Variants in RASAL2 observed in about 807,000 individuals in gnomAD.
The protein encoded by RASAL2 is RAS protein activator like 2.
RASAL2 carries 58 observed loss-of-function variants against 128.9 expected under a neutral mutation model. The observed-to-expected ratio is 0.45, with a 90% CI of 0.36 to 0.56. The LOEUF (loss-of-function observed/expected upper bound fraction) is 0.56, where lower values mean the gene tolerates loss of function less well. Among genes scored for constraint, RASAL2 ranks in the 20% least tolerant of loss-of-function variants. The probability of loss-of-function intolerance (pLI) is 0.00; values close to 1 mark genes in which losing one functional copy is unlikely to be tolerated. For synonymous variants in RASAL2, 561 were observed against 580.8 expected, an observed-to-expected ratio of 0.97 and a Z score of 0.49; for missense variants, 1,360 against 1,601.6, an observed-to-expected ratio of 0.85 and a Z score of 2.57.
At chr1:178,227,097 C>T (rs1019918617) in intron 1 of RASAL2, among the ~76,000 whole-genome samples, 3 of 152,136 alleles carry the variant, frequency 2.0e-5, no homozygotes, top group Admixed American at 6.5e-5. Flanking sequence ...TACAGCATTA[C>T]TTGCTGTACA....
At chr1:178,390,022 CCAGTAACTTTA>C in intron 3 of RASAL2, 67 bp from the exon 4 acceptor site, 1 of 863,820 alleles carries the variant, frequency 1.2e-6, no homozygotes, top group Non-Finnish European at 1.8e-6. Context: ...TTGTGAAAAA[CCAGTAACTTTA>C]CAGTTCAGTG....
At chr1:178,273,063 A>G (rs1041506693) in intron 1 of RASAL2, among the ~76,000 whole-genome samples, 1 of 152,248 alleles carries the variant, frequency 6.6e-6, no homozygotes, top group Non-Finnish European at 1.5e-5. Context: ...AGTGCCACAC[A>G]AATGTGGTTG....
At chr1:178,281,838 CAT>C (rs572187663) in intron 1 of RASAL2, among the ~76,000 whole-genome samples, 5 of 152,222 alleles carry the variant, frequency 3.3e-5, no homozygotes, top group East Asian at 1.9e-4. Flanking sequence ...TTGTCCAAAT[CAT>C]GTGAAGAAAA....
intron 5 of RASAL2, among the ~76,000 whole-genome samples, chr1:178,434,713 T>C (rs952023775): frequency 5.9e-5 from 9 of 151,882 alleles, no homozygotes; most frequent in Non-Finnish European, 1.0e-4. Context: ...AACAAGTCTT[T>C]GCACATAAGT....
At chr1:178,432,544 T>G (rs1175203875) in intron 5 of RASAL2, among the ~76,000 whole-genome samples, 5 of 152,106 alleles carry the variant, frequency 3.3e-5, no homozygotes, top group African/African-American at 1.2e-4. Context: ...ACTGTTCACA[T>G]CTACCCCGAC....
intron 3 of RASAL2, among the ~76,000 whole-genome samples, chr1:178,310,326 C>A (rs1185342433): frequency 6.6e-6 from 1 of 152,122 alleles, no homozygotes; most frequent in Non-Finnish European, 1.5e-5. Context: ...GACCTTACTA[C>A]CAATCTGATA....
intron 1 of RASAL2, among the ~76,000 whole-genome samples, chr1:178,099,251 T>C (rs1658802700): frequency 6.6e-6 from 1 of 152,190 alleles, no homozygotes. Flanking sequence ...TTTTAGAAAT[T>C]TTTGGAATCT....
intron 15 of RASAL2, 88 bp from the exon 16 acceptor site, chr1:178,465,820 AAAAGAAAAAAAG>A (rs1647617818): frequency 2.6e-6 from 3 of 1,139,988 alleles, no homozygotes; most frequent in Non-Finnish European, 1.2e-6. Flanking sequence ...AGAAAAAAGA[AAAAGAAAAAAAG>A]AAAGAAAGAG....
chr1:178,422,914 A>G (rs1302828709), intron 5 of RASAL2, among the ~76,000 whole-genome samples: 3 of 152,090 alleles, frequency 2.0e-5, no homozygotes, highest in Non-Finnish European at 4.4e-5. Context: ...ATAAGTAAAG[A>G]GAAAAAGAAC....
At chr1:178,449,667 T>C (rs981262979) in intron 9 of RASAL2, among the ~76,000 whole-genome samples, 4 of 152,088 alleles carry the variant, frequency 2.6e-5, no homozygotes, top group Non-Finnish European at 4.4e-5. Flanking sequence ...CCTTTCAATA[T>C]GGTACATTCT....
intron 3 of RASAL2, among the ~76,000 whole-genome samples, chr1:178,330,081 TA>T (rs1439169849): frequency 1.3e-5 from 2 of 152,054 alleles, no homozygotes; most frequent in African/African-American, 2.4e-5. Flanking sequence ...TTAGTAGGGG[TA>T]GGGGGAAGGA....
intron 14 of RASAL2, 64 bp downstream of exon 14, chr1:178,458,608 A>G: frequency 1.3e-6 from 2 of 1,492,256 alleles, no homozygotes; most frequent in Non-Finnish European, 8.9e-7. Flanking sequence ...GGTTCTTTAT[A>G]CATAAATCAT....
chr1:178,444,955 G>C (rs1281515832), intron 8 of RASAL2, among the ~76,000 whole-genome samples: 2 of 152,088 alleles, frequency 1.3e-5, no homozygotes, highest in East Asian at 3.9e-4. Context: ...AGGATAAAAA[G>C]AGAGATGATA....
intron 1 of RASAL2, among the ~76,000 whole-genome samples, chr1:178,112,334 G>A (rs1475366526): frequency 2.6e-5 from 4 of 151,926 alleles, no homozygotes; most frequent in African/African-American, 9.7e-5. Context: ...GGTGGATCAC[G>A]AGGTCAGGAG....
intron 2 of RASAL2, among the ~76,000 whole-genome samples, chr1:178,292,074 A>G (rs1293443406): frequency 4.6e-5 from 7 of 151,082 alleles, no homozygotes; most frequent in Non-Finnish European, 7.4e-5. Flanking sequence ...TAAAGAATTT[A>G]ACTCTTAATC....
chr1:178,390,749 A>G (rs1175954205), intron 4 of RASAL2, among the ~76,000 whole-genome samples: 2 of 152,200 alleles, frequency 1.3e-5, no homozygotes, highest in African/African-American at 4.8e-5. Context: ...GTACTTAACA[A>G]AATATGTAAC....
rs548559540 is a variant in RASAL2, at chr1:178,467,500, C to T, written c.3678+79C>T. 60 of 1,260,238 alleles carry T rather than the reference C, an allele frequency of 4.8e-5. No individual in the cohort carries two copies. In the South Asian group the frequency reaches 7.3e-4, roughly 15 times the overall value. The allele number at this position is 1,260,238 out of a possible 1,614,324, so 78.1% of individuals were successfully genotyped here. A position where few individuals can be genotyped will look rare whatever the true frequency, so the allele number is the denominator to read the frequency against. On this transcript the variant is annotated intron_variant, in intron 17 of 17. Coordinates refer to ENST00000367649, the MANE Select transcript of RASAL2 (RefSeq NM_170692.4). ...CCTGACTTCACACCCTTGCAAATGC[C>T]AAGGCAGGTACCCAAAAATGTGTCA...
chr1:178,130,655 A>G (rs911486746), intron 1 of RASAL2, among the ~76,000 whole-genome samples: 10 of 152,226 alleles, frequency 6.6e-5, no homozygotes, highest in Non-Finnish European at 1.5e-4. Flanking sequence ...TTAGGGGGAA[A>G]CAAAATAAAC....
chr1:178,325,583 A>G (rs1668999046), intron 3 of RASAL2, among the ~76,000 whole-genome samples: 1 of 152,226 alleles, frequency 6.6e-6, no homozygotes, highest in Non-Finnish European at 1.5e-5. Flanking sequence ...TAAAAGCAGA[A>G]TATCATTAGC....
Sources: allele counts gnomAD v4.1 joint callset (sites outside exome capture counted in the v4.1 genomes callset), GRCh38; gene constraint gnomAD v4.1.1; transcripts MANE v1.5; gene names NCBI Gene and HGNC (gene_info 2026-07-23, HGNC 2026-07-21).